The following ADAMTS7 variants were observed in gnomAD, a reference collection of about 807,000 sequenced individuals.
ADAMTS7 encodes A disintegrin and metalloproteinase with thrombospondin motifs 7.
A neutral mutation model predicts 172.6 loss-of-function variants in ADAMTS7; 89 were observed. The observed-to-expected ratio is 0.52, with a 90% confidence interval of 0.43 to 0.61. The LOEUF (loss-of-function observed/expected upper bound fraction) is 0.61, where lower values mean the gene tolerates loss of function less well. ADAMTS7 is among the 20% of genes least tolerant of loss of function. The probability of loss-of-function intolerance (pLI) is 0.00; values close to 1 mark genes in which losing one functional copy is unlikely to be tolerated. For synonymous variants in ADAMTS7, 885 were observed against 978.4 expected, an observed-to-expected ratio of 0.90 and a Z score of 1.78; for missense variants, 1,973 against 2,355.6, an observed-to-expected ratio of 0.84 and a Z score of 3.36.
At chr15:78,761,037 C>T (rs1322208521) in intron 23 of ADAMTS7, among the ~76,000 whole-genome samples, 4 of 152,232 alleles carry the variant, frequency 2.6e-5, no homozygotes, top group Admixed American at 2.6e-4. Flanking sequence ...GACGTGGTGC[C>T]AGCACCCAGC....
chr15:78,767,280 C>T, intron 18 of ADAMTS7, 99 bp downstream of exon 18: 1 of 1,447,166 alleles, frequency 6.9e-7, no homozygotes, highest in African/African-American at 1.4e-5. Context: ...TGCCCAGGTT[C>T]CCTCCCACCC....
chr15:78,806,066 C>T (rs1450384845), intron 1 of ADAMTS7, among the ~76,000 whole-genome samples: 1 of 81,516 alleles, frequency 1.2e-5, no homozygotes, highest in Non-Finnish European at 2.5e-5. Flanking sequence ...GATGACAGAG[C>T]GAGACTCTGA....
At position 78,773,306 on chromosome 15, in the gene ADAMTS7, G is replaced by C. The variant is rs1203017958; in HGVS notation, c.2011-103C>G. The C allele has an allele frequency of 2.2e-5, 26 of 1,156,396 alleles. 3 individuals are homozygous for C. The highest frequency in any genetic ancestry group is 3.1e-5 in the Non-Finnish European group (25 of 818,290). The allele number at this position is 1,156,396 out of a possible 1,614,324, so 71.6% of individuals were successfully genotyped here. A position where few individuals can be genotyped will look rare whatever the true frequency, so the allele number is the denominator to read the frequency against. ...TCAGGAGAAGAAAGCTGGGAGTTGGGGTCGGGAGGCCTCTCTCTGGCCCTG... is the reference window on the plus strand; with the variant it reads ...TCAGGAGAAGAAAGCTGGGAGTTGGCGTCGGGAGGCCTCTCTCTGGCCCTG... On this transcript the variant is annotated intron_variant, in intron 13 of 23. Transcript: ENST00000388820.
intron 23 of ADAMTS7, 140 bp from the exon 24 acceptor site, chr15:78,759,718 C>T (rs2055011432): frequency 8.7e-7 from 1 of 1,144,920 alleles, no homozygotes; most frequent in East Asian, 2.9e-5. Context: ...GGCTCCCGAA[C>T]CGGAGTTGCA....
intron 14 of ADAMTS7, among the ~76,000 whole-genome samples, chr15:78,772,398 T>C (rs1217331562): frequency 6.6e-6 from 1 of 152,240 alleles, no homozygotes; most frequent in African/African-American, 2.4e-5. Flanking sequence ...TCCACCACAC[T>C]GCACTGCATC....
chr15:78,778,506 G>A (rs1038920110), intron 8 of ADAMTS7, among the ~76,000 whole-genome samples: 2 of 152,202 alleles, frequency 1.3e-5, no homozygotes, highest in Non-Finnish European at 2.9e-5. Context: ...TGACCACCCT[G>A]CCCATGGCTC....
At chr15:78,784,934 A>G (rs1281301155) in intron 8 of ADAMTS7, among the ~76,000 whole-genome samples, 3 of 152,052 alleles carry the variant, frequency 2.0e-5, no homozygotes, top group African/African-American at 7.2e-5. Context: ...CTTTCTCAGA[A>G]AGCTGCTTGA....
chr15:78,800,316 C>T lies in ADAMTS7; in HGVS notation c.332G>A (p.Arg111Gln), dbSNP rs780154071. ...LLAPGFVSETRRRGGLGRAHI... is the reference protein window; with the variant it reads ...LLAPGFVSETQRRGGLGRAHI... The stretch of plus-strand genomic sequence containing the variant: ...CGCGCGGCCCAGGCCGCCGCGCCGC[C>T]GCGTCTCGCTCACAAAGCCGGGCGC... Residue 111 changes from arginine (R) to glutamine (Q), a missense_variant, in exon 2 of 24, where the codon CGG becomes CAG. By Grantham distance (43) the Arg-to-Gln change is conservative (BLOSUM62 1). This residue lies in a region of ADAMTS7 where 306 missense variants were observed against 288.0 expected (regional missense o/e 1.06). Coordinates refer to ENST00000388820, the MANE Select transcript of ADAMTS7 (RefSeq NM_014272.5). The T allele has an allele frequency of 6.3e-7, 1 of 1,594,402 alleles. No homozygotes were observed.
At chr15:78,760,321 C>G (rs1316457188) in intron 23 of ADAMTS7, among the ~76,000 whole-genome samples, 14 of 152,220 alleles carry the variant, frequency 9.2e-5, no homozygotes, top group Admixed American at 2.0e-4. Context: ...CCTGGCCTTG[C>G]TCCTGATGCC....
chr15:78,795,938 G>C (rs527304986), intron 4 of ADAMTS7, among the ~76,000 whole-genome samples: 3 of 152,282 alleles, frequency 2.0e-5, no homozygotes, highest in Non-Finnish European at 2.9e-5. Context: ...TGCCCTGCCT[G>C]GTTGTGTGAC....
rs144282040 is a variant in ADAMTS7 at position 78,787,965 on chromosome 15, GCTC to G, written c.1322+263_1322+265del. Among the ~76,000 whole-genome samples, 1,106 of 152,114 alleles carry G rather than the reference GCTC, an allele frequency of 7.3e-3. 6 individuals carry two copies. The highest frequency in any genetic ancestry group is 0.047 in the East Asian group (243 of 5,162). The stretch of plus-strand genomic sequence containing the variant: ...CCCTTCTGCACATGTGTGAATTCTT[GCTC>G]CTCCTCCAAGTTCAAGCCTCCTTCC... On this transcript the variant is annotated intron_variant, in intron 8 of 23. Transcript: ENST00000388820.
rs751534083 is a variant in ADAMTS7 at position 78,766,229 on chromosome 15, C to T, written c.3682G>A (p.Gly1228Arg). ...FKDDEEPKGR[G>R]APHLPPRPSS... Reference sequence around the variant, plus strand: ...GGTCTCGGGGGCAGGTGGGGTGCTCCTCGGCCCTTGGGTTCCTCATCATCC... The same window carrying T: ...GGTCTCGGGGGCAGGTGGGGTGCTCTTCGGCCCTTGGGTTCCTCATCATCC... Residue 1228 changes from glycine (G) to arginine (R), a missense_variant, in exon 19 of 24, where the codon GGA becomes AGA. Coordinates refer to ENST00000388820, the MANE Select transcript of ADAMTS7 (RefSeq NM_014272.5). 3.8e-5 allele frequency: 62 copies of T among 1,611,822 alleles called. No homozygotes were observed. Among genetic ancestry groups the T allele is most frequent in the Middle Eastern group, 3.7e-4 (2 of 5,366 alleles).
At chr15:78,779,873 TG>T (rs1163365793) in intron 8 of ADAMTS7, among the ~76,000 whole-genome samples, 1 of 150,436 alleles carries the variant, frequency 6.6e-6, no homozygotes, top group Non-Finnish European at 1.5e-5. Flanking sequence ...GGCCTGCTGT[TG>T]GGCAGCTGAA....
intron 22 of ADAMTS7, among the ~76,000 whole-genome samples, chr15:78,763,224 C>T (rs991356947): frequency 1.3e-5 from 2 of 152,232 alleles, no homozygotes; most frequent in Middle Eastern, 3.2e-3. Flanking sequence ...AAGACGCAAA[C>T]GCTGGCCCAG....
At chr15:78,798,672 G>A (rs1440168324) in intron 2 of ADAMTS7, among the ~76,000 whole-genome samples, 2 of 152,192 alleles carry the variant, frequency 1.3e-5, no homozygotes, top group Admixed American at 6.5e-5. Context: ...GCCCAGGGCT[G>A]CCCAGAGAAG....
chr15:78,783,283 T>C (rs2055457008), intron 8 of ADAMTS7, among the ~76,000 whole-genome samples: 1 of 152,200 alleles, frequency 6.6e-6, no homozygotes. Context: ...AGAAAACTTT[T>C]TTTTGAGACA....
rs1433524543 is a variant in ADAMTS7, at chr15:78,776,859, T to C, written c.1468-18A>G. 7 of 1,531,948 alleles carry C rather than the reference T, an allele frequency of 4.6e-6. No homozygotes were observed. Among genetic ancestry groups the C allele is most frequent in the Admixed American group, 2.0e-5 (1 of 50,802 alleles). The allele number at this position is 1,531,948 out of a possible 1,614,324, so 94.9% of individuals were successfully genotyped here. A position where few individuals can be genotyped will look rare whatever the true frequency, so the allele number is the denominator to read the frequency against. ...CAGACATTCTGCGAGGAGGAGGGCA[T>C]GGGCCATACCCTCACACCCTCCCCA... On this transcript the variant is annotated intron_variant, in intron 9 of 23. Transcript: ENST00000388820.
rs960698731 is a variant in ADAMTS7 at position 78,788,369 on chromosome 15, C to G, written c.1184G>C (p.Gly395Ala). Residue 395 changes from glycine to alanine, a missense_variant, in exon 8 of 24, where the codon GGC (glycine) becomes GCC (alanine). Around this residue, in one of 8 missense-constraint regions of ADAMTS7, gnomAD observed 526 missense variants for 662.9 expected, o/e 0.79. Transcript: ENST00000388820. ...ATTGCCGCTTCCGTCATGCTGAATG[C>G]CAAAACTGTGTGAGAGCACAGGCCC... Reference protein sequence around the residue: ...TVAHELGHSFGIQHDGSGNDC... With the variant: ...TVAHELGHSFAIQHDGSGNDC... 1 of 1,612,644 alleles carries G rather than the reference C, an allele frequency of 6.2e-7. No homozygotes were observed. The highest frequency in any genetic ancestry group is 8.5e-7 in the Non-Finnish European group (1 of 1,179,888).
At chr15:78,777,609 T>TG in intron 8 of ADAMTS7, 21 bp from the exon 9 acceptor site, 1 of 1,593,572 alleles carries the variant, frequency 6.3e-7, no homozygotes, top group South Asian at 1.1e-5. Context: ...GACGGGAGGA[T>TG]GGAGGGGGGC....
Sources: allele counts gnomAD v4.1 joint callset (sites outside exome capture counted in the v4.1 genomes callset), GRCh38; gene constraint gnomAD v4.1.1; regional missense constraint gnomAD v4.1.1; transcripts MANE v1.5; gene names NCBI Gene and HGNC (gene_info 2026-07-23, HGNC 2026-07-21).